The following CDH23 variants were observed in gnomAD, a reference collection of about 807,000 sequenced individuals.
CDH23 encodes cadherin-23.
Under a neutral mutation model 317.1 loss-of-function variants are expected in CDH23, and 189 were observed. The ratio of observed to expected loss-of-function variants is 0.60; its 90% CI spans 0.53 to 0.67. The LOEUF (loss-of-function observed/expected upper bound fraction) is 0.67, where lower values mean the gene tolerates loss of function less well. Ranked by LOEUF, CDH23 falls within the 30% of genes least tolerant of loss-of-function variation. The pLI is 0.00. For missense variants in CDH23, 4,401 were observed against 4,592.4 expected, an observed-to-expected ratio of 0.96 and a Z score of 1.20; for synonymous variants, 1,839 against 1,876.8, an observed-to-expected ratio of 0.98 and a Z score of 0.52.
At chr10:71,494,108 A>G (rs544008076) in intron 3 of CDH23, among the ~76,000 whole-genome samples, 1 of 152,028 alleles carries the variant, frequency 6.6e-6, no homozygotes, top group South Asian at 2.1e-4. Flanking sequence ...TTTGCTTCCT[A>G]TTATTGTCCA....
In CDH23 at chr10:71,420,992, A is replaced by C. The variant is rs374556107; in HGVS notation, c.-5-18835A>C. ...CATAGGACCCCCAGAGGCTCTCTGC[A>C]AATAGCTTTGTTCCTTTCCCCCCAA... On this transcript the variant is annotated intron_variant, in intron 1 of 69. Coordinates refer to ENST00000224721, the MANE Select transcript of CDH23 (RefSeq NM_022124.6). Among the ~76,000 whole-genome samples, 33 of 152,262 alleles carry C rather than the reference A, an allele frequency of 2.2e-4. No homozygotes were observed. In the East Asian group the frequency reaches 4.4e-3, roughly 20 times the overall value.
intron 28 of CDH23, among the ~76,000 whole-genome samples, chr10:71,718,441 G>C (rs963284721): frequency 6.9e-6 from 1 of 144,672 alleles, no homozygotes; most frequent in Non-Finnish European, 1.5e-5. Flanking sequence ...TGTGATGCCC[G>C]TCTAGCTGCC....
At position 71,704,955 on chromosome 10, in the gene CDH23, C is replaced by G; in HGVS notation, c.2778C>G (p.Ser926=). The change falls in exon 25 of 70, where the codon TCC becomes TCG. Residue 926 remains serine, a synonymous_variant. Coordinates refer to ENST00000224721, the MANE Select transcript of CDH23 (RefSeq NM_022124.6). ...DLDEGLNGLV[S]YRMPVGMPRM... The stretch of plus-strand genomic sequence containing the variant: ...ATGAGGGCCTGAACGGCCTGGTGTC[C>G]TACCGCATGCCGGTGGGCATGCCCC... The G allele has an allele frequency of 6.2e-7, 1 of 1,612,952 alleles. No homozygotes were observed.
intron 14 of CDH23, among the ~76,000 whole-genome samples, chr10:71,666,795 A>T (rs912663653): frequency 6.6e-6 from 1 of 151,872 alleles, no homozygotes; most frequent in Non-Finnish European, 1.5e-5. Flanking sequence ...GAGTCCTCCT[A>T]CCTCCTGCCA....
chr10:71,728,865 G>A (rs532310255), intron 30 of CDH23, among the ~76,000 whole-genome samples: 6 of 152,202 alleles, frequency 3.9e-5, no homozygotes, highest in South Asian at 4.1e-4. Context: ...CACCACCCCC[G>A]GCTAATTTTT....
chr10:71,644,151 C>T (rs1862713727), intron 12 of CDH23, among the ~76,000 whole-genome samples: 1 of 152,266 alleles, frequency 6.6e-6, no homozygotes, highest in South Asian at 2.1e-4. Flanking sequence ...GCAACCTCCA[C>T]AGCCTGACAG....
chr10:71,532,900 T>C (rs546834811), intron 6 of CDH23, among the ~76,000 whole-genome samples: 2 of 152,168 alleles, frequency 1.3e-5, no homozygotes, highest in African/African-American at 4.8e-5. Context: ...TGGCTAATTT[T>C]TTGTATTTTT....
At chr10:71,608,437 C>T (rs999752426) in intron 9 of CDH23, among the ~76,000 whole-genome samples, 4 of 152,190 alleles carry the variant, frequency 2.6e-5, no homozygotes, top group Non-Finnish European at 4.4e-5. Context: ...TGCTTAGGCC[C>T]AGCTCCTAAG....
Position 71,724,093 on chromosome 10 carries a change from C to A in CDH23, c.3418C>A (p.Arg1140Ser). Residue 1140 changes from arginine to serine, a missense_variant, in exon 29 of 70, where the codon CGC becomes AGC. Around this residue, in one of 3 missense-constraint regions of CDH23, gnomAD observed 3,068 missense variants for 3,203.3 expected, o/e 0.96. Coordinates refer to ENST00000224721, the MANE Select transcript of CDH23 (RefSeq NM_022124.6). ...GGGCGAGTTTGGGCGTGTGTGGTAC[C>A]GCATCCTCCATGGTAAGTGGGGCTG... Reference protein sequence around the residue: ...DEGEFGRVWYRILHGNHGNNF... With the variant: ...DEGEFGRVWYSILHGNHGNNF... 1 of 1,558,658 alleles carries A rather than the reference C, an allele frequency of 6.4e-7. No individual in the cohort carries two copies. The highest frequency in any genetic ancestry group is 1.2e-5 in the South Asian group (1 of 84,370).
intron 9 of CDH23, among the ~76,000 whole-genome samples, chr10:71,585,579 CA>C (rs1337675671): frequency 6.6e-6 from 1 of 152,200 alleles, no homozygotes; most frequent in Non-Finnish European, 1.5e-5. Flanking sequence ...ATTATACAAA[CA>C]CGCTGGCCTG....
At chr10:71,512,743 G>A (rs770521928) in intron 6 of CDH23, among the ~76,000 whole-genome samples, 1 of 152,194 alleles carries the variant, frequency 6.6e-6, no homozygotes, top group Non-Finnish European at 1.5e-5. Flanking sequence ...CCAACACTCG[G>A]CCCTGTTGGA....
intron 1 of CDH23, among the ~76,000 whole-genome samples, chr10:71,399,142 C>T (rs538837090): frequency 1.3e-5 from 2 of 152,346 alleles, no homozygotes; most frequent in African/African-American, 4.8e-5. Flanking sequence ...AGGGCACCTT[C>T]CTGAAGTGCT....
At chr10:71,501,031 C>A (rs143355764) in intron 3 of CDH23, among the ~76,000 whole-genome samples, 2,055 of 152,036 alleles carry the variant, frequency 0.014, 46 homozygotes, top group African/African-American at 0.047. Context: ...CCACCCCCAG[C>A]TAACTTTTGT....
intron 2 of CDH23, among the ~76,000 whole-genome samples, chr10:71,445,089 C>T (rs528734546): frequency 1.5e-3 from 228 of 152,310 alleles, no homozygotes; most frequent in African/African-American, 5.4e-3. Context: ...AGACCCAGCC[C>T]GCTCTGAAGC....
At chr10:71,424,003 G>A (rs934043023) in intron 1 of CDH23, among the ~76,000 whole-genome samples, 3 of 152,256 alleles carry the variant, frequency 2.0e-5, no homozygotes, top group Admixed American at 2.0e-4. Context: ...GTTGGCTTGA[G>A]AATTGGGCAG....
In CDH23 at chr10:71,741,830, T is replaced by C. The variant is rs1450734975; in HGVS notation, c.4754T>C (p.Ile1585Thr). ...CGCATGGACCGCATCAGCGGTGAGA[T>C]CGCCACACGGCCTGCCCCGCCTGAC... is the stretch of plus-strand genomic sequence containing the variant. ...AFRMDRISGEIATRPAPPDRE... is the reference protein window; with the variant it reads ...AFRMDRISGETATRPAPPDRE... Residue 1585 changes from isoleucine (I) to threonine (T), a missense_variant, in exon 38 of 70, where the codon ATC becomes ACC. Physicochemically the swap from Ile to Thr is moderately conservative, Grantham distance 89. Transcript: ENST00000224721. The C allele has an allele frequency of 1.9e-6, 3 of 1,611,650 alleles. No homozygotes were observed. The highest frequency in any genetic ancestry group is 2.5e-6 in the Non-Finnish European group (3 of 1,179,164).
intron 69 of CDH23, among the ~76,000 whole-genome samples, chr10:71,814,413 T>TGCC (rs1271872852): frequency 8.5e-4 from 130 of 152,242 alleles, no homozygotes; most frequent in African/African-American, 3.0e-3. Context: ...AAACCCTGTC[T>TGCC]CTAAATAAAT....
chr10:71,429,362 C>T (rs1397072320), intron 1 of CDH23, among the ~76,000 whole-genome samples: 2 of 152,166 alleles, frequency 1.3e-5, no homozygotes, highest in Non-Finnish European at 2.9e-5. Context: ...ATGGCAGGAG[C>T]TCAATAGACA....
At chr10:71,786,821 A>G (rs1248905024) in intron 44 of CDH23, among the ~76,000 whole-genome samples, 2 of 151,120 alleles carry the variant, frequency 1.3e-5, no homozygotes, top group Admixed American at 1.3e-4. Context: ...TTTTGCCCCC[A>G]CTTTTTCTCT....
Sources: allele counts gnomAD v4.1 joint callset (sites outside exome capture counted in the v4.1 genomes callset), GRCh38; gene constraint gnomAD v4.1.1; regional missense constraint gnomAD v4.1.1; transcripts MANE v1.5; gene names NCBI Gene and HGNC (gene_info 2026-07-23, HGNC 2026-07-21).